Variants in PLCB1 observed in about 807,000 individuals in gnomAD.
The protein encoded by PLCB1 is phospholipase C beta 1.
In PLCB1, 46 loss-of-function variants were observed where a neutral mutation model predicts 161.8. The ratio of observed to expected loss-of-function variants is 0.28; its 90% CI spans 0.22 to 0.36. PLCB1 has a LOEUF of 0.36. PLCB1 is among the 10% of genes least tolerant of loss of function. The probability of loss-of-function intolerance (pLI) is 1.00; values close to 1 mark genes in which losing one functional copy is unlikely to be tolerated. For missense variants in PLCB1, 1,016 were observed against 1,472.5 expected (o/e 0.69, Z 5.07); for synonymous variants, 517 against 503.7 (o/e 1.03, Z -0.35).
intron 20 of PLCB1, among the ~76,000 whole-genome samples, chr20:8,738,277 G>T (rs1052633904): frequency 6.6e-6 from 1 of 152,152 alleles, no homozygotes; most frequent in African/African-American, 2.4e-5. Context: ...TTCCACAATG[G>T]TTGAACTAGT....
intron 3 of PLCB1, among the ~76,000 whole-genome samples, chr20:8,443,504 G>A (rs180903919): frequency 6.6e-6 from 1 of 152,250 alleles, no homozygotes; most frequent in East Asian, 1.9e-4. Context: ...TGACCATTAG[G>A]CTTAGTTTTC....
chr20:8,780,967 G>A (rs6056105), intron 27 of PLCB1, among the ~76,000 whole-genome samples: 39,904 of 152,182 alleles, frequency 0.26, 5,577 homozygotes, highest in Non-Finnish European at 0.32. Flanking sequence ...AAATCTATAT[G>A]CACTTCAAAT....
intron 31 of PLCB1, among the ~76,000 whole-genome samples, chr20:8,808,091 G>A (rs901046470): frequency 6.6e-6 from 1 of 152,160 alleles, no homozygotes; most frequent in African/African-American, 2.4e-5. Flanking sequence ...AAAAGCCTGA[G>A]ATGCGAGTAT....
At chr20:8,771,127 A>C (rs1246725797) in intron 26 of PLCB1, among the ~76,000 whole-genome samples, 4 of 152,176 alleles carry the variant, frequency 2.6e-5, no homozygotes, top group Non-Finnish European at 4.4e-5. Context: ...AGTCCTTGAA[A>C]TATTGCTCGT....
chr20:8,583,457 A>G (rs1174122622), intron 3 of PLCB1, among the ~76,000 whole-genome samples: 1 of 152,238 alleles, frequency 6.6e-6, no homozygotes, highest in African/African-American at 2.4e-5. Context: ...AAAAACCCTC[A>G]TCTTAGGCTC....
chr20:8,285,649 C>T (rs1270847092), intron 2 of PLCB1, among the ~76,000 whole-genome samples: 2 of 152,026 alleles, frequency 1.3e-5, no homozygotes, highest in Non-Finnish European at 2.9e-5. Context: ...ATACATGACC[C>T]TCCTTGAGCA....
At chr20:8,155,933 A>G (rs2051555271) in intron 2 of PLCB1, among the ~76,000 whole-genome samples, 1 of 152,164 alleles carries the variant, frequency 6.6e-6, no homozygotes, top group East Asian at 1.9e-4. Context: ...CTTGGCCTGG[A>G]GCAGTGTGTC....
intron 2 of PLCB1, among the ~76,000 whole-genome samples, chr20:8,310,146 G>T (rs887239059): frequency 1.3e-4 from 19 of 151,632 alleles, no homozygotes; most frequent in Admixed American, 9.2e-4. Flanking sequence ...CAGAGCTTTT[G>T]TTTTTGTTAC....
At chr20:8,707,093 G>A (rs1028723930) in intron 11 of PLCB1, among the ~76,000 whole-genome samples, 6 of 152,074 alleles carry the variant, frequency 3.9e-5, no homozygotes, top group Admixed American at 6.6e-5. Context: ...CTCAACTATC[G>A]TAAAAGTTAA....
rs371142431 is a variant in PLCB1 at position 8,747,216 on chromosome 20, C to T, written c.2523+5643C>T. On this transcript the variant is annotated intron_variant, in intron 23 of 31. Transcript: ENST00000338037. ...CTTTAATCACTGGATGTTGTCAGAA[C>T]TTATTCTTCAGAAAGTTAGGTTTAT... Among the ~76,000 whole-genome samples, 7 of 152,274 alleles carry T rather than the reference C, an allele frequency of 4.6e-5. 1 individual carries two copies. Among genetic ancestry groups the T allele is most frequent in the African/African-American group, 1.7e-4 (7 of 41,554 alleles).
chr20:8,769,109 A>G (rs1223434974), intron 26 of PLCB1, among the ~76,000 whole-genome samples: 3 of 152,162 alleles, frequency 2.0e-5, no homozygotes, highest in African/African-American at 7.2e-5. Flanking sequence ...TTTTGTTGCT[A>G]TCTTTTGAGG....
At chr20:8,685,119 C>G (rs761872714) in intron 10 of PLCB1, 41 bp downstream of exon 10, 6 of 1,556,512 alleles carry the variant, frequency 3.9e-6, no homozygotes, top group Non-Finnish European at 5.3e-6. Flanking sequence ...GCCAGTCTCA[C>G]CAAATTTCAC....
intron 2 of PLCB1, among the ~76,000 whole-genome samples, chr20:8,234,193 A>T (rs1980209834): frequency 6.6e-6 from 1 of 152,242 alleles, no homozygotes; most frequent in South Asian, 2.1e-4. Context: ...GGTAAAAGGG[A>T]GTGCCTATAC....
chr20:8,427,499 T>C (rs1476260955), intron 3 of PLCB1, among the ~76,000 whole-genome samples: 1 of 152,250 alleles, frequency 6.6e-6, no homozygotes, highest in South Asian at 2.1e-4. Flanking sequence ...AAAAAGACTT[T>C]GAGTAAAACT....
intron 2 of PLCB1, among the ~76,000 whole-genome samples, chr20:8,286,829 A>G (rs1051859571): frequency 3.3e-5 from 5 of 152,120 alleles, no homozygotes; most frequent in African/African-American, 1.2e-4. Flanking sequence ...TTTATTTTTA[A>G]TATAATACTT....
intron 3 of PLCB1, among the ~76,000 whole-genome samples, chr20:8,526,641 T>C (rs988675131): frequency 3.9e-5 from 6 of 152,124 alleles, no homozygotes; most frequent in Admixed American, 2.6e-4. Context: ...CACAGTATAG[T>C]TGTTGAATCC....
intron 2 of PLCB1, among the ~76,000 whole-genome samples, chr20:8,246,471 G>T (rs998600162): frequency 2.4e-4 from 36 of 151,916 alleles, no homozygotes; most frequent in African/African-American, 8.2e-4. Context: ...GAATTCTTGA[G>T]GCCTGTTGTT....
chr20:8,624,451 A>G (rs1445678424), intron 3 of PLCB1, among the ~76,000 whole-genome samples: 3 of 152,240 alleles, frequency 2.0e-5, no homozygotes, highest in African/African-American at 7.2e-5. Flanking sequence ...TTTTGTAGAT[A>G]CTTGGCATGC....
Position 8,723,090 on chromosome 20 carries a change from C to T in PLCB1, c.1581+669C>T, listed in dbSNP as rs193123817. ...ATTTGTTAGATATGTTCTGTCTCAA[C>T]GCTTGTAGCTCTACAATTTAGTAAA... On this transcript the variant is annotated intron_variant, in intron 15 of 31. Coordinates refer to ENST00000338037, the MANE Select transcript of PLCB1 (RefSeq NM_015192.4). Among the ~76,000 whole-genome samples the T allele has an allele frequency of 1.1e-3, 166 of 152,274 alleles. 1 individual carries two copies. Among genetic ancestry groups the T allele is most frequent in the African/African-American group, 3.7e-3 (153 of 41,566 alleles).
Sources: allele counts gnomAD v4.1 joint callset (sites outside exome capture counted in the v4.1 genomes callset), GRCh38; gene constraint gnomAD v4.1.1; transcripts MANE v1.5; gene names NCBI Gene and HGNC (gene_info 2026-07-23, HGNC 2026-07-21).